MYO16: variants seen among roughly 807,000 people sequenced by gnomAD.
MYO16 encodes unconventional myosin-XVI.
A neutral mutation model predicts 205.3 loss-of-function variants in MYO16; 94 were observed. The observed-to-expected ratio is 0.46, with a 90% CI of 0.39 to 0.54. The LOEUF (loss-of-function observed/expected upper bound fraction) is 0.54, where lower values mean the gene tolerates loss of function less well. Ranked by LOEUF, MYO16 falls within the 20% of genes least tolerant of loss-of-function variation. The pLI is 0.00. For missense variants in MYO16, 2,315 were observed against 2,387.5 expected, an observed-to-expected ratio of 0.97 and a Z score of 0.63; for synonymous variants, 988 against 954.0, an observed-to-expected ratio of 1.04 and a Z score of -0.66.
At chr13:108,859,027 CA>C (rs1878329150) in intron 11 of MYO16, among the ~76,000 whole-genome samples, 1 of 152,146 alleles carries the variant, frequency 6.6e-6, no homozygotes, top group South Asian at 2.1e-4. Flanking sequence ...TTCTGGAGGC[CA>C]GCCCCCAGTC....
intron 16 of MYO16, among the ~76,000 whole-genome samples, chr13:108,938,864 A>C (rs112665086): frequency 6.6e-6 from 1 of 152,052 alleles, no homozygotes; most frequent in Non-Finnish European, 1.5e-5. Flanking sequence ...CTGCACCACA[A>C]TCTCAGGGGA....
intron 1 of MYO16, among the ~76,000 whole-genome samples, chr13:108,633,178 T>C (rs1295667619): frequency 6.6e-6 from 1 of 152,176 alleles, no homozygotes; most frequent in Non-Finnish European, 1.5e-5. Context: ...ACTTTATATG[T>C]TGTATTAGTC....
chr13:108,994,083 A>G (rs1359812354), intron 21 of MYO16, among the ~76,000 whole-genome samples: 2 of 152,118 alleles, frequency 1.3e-5, no homozygotes, highest in East Asian at 1.9e-4. Context: ...TTACTGAAAC[A>G]TATTTATTTT....
rs9559438 is a variant in MYO16 at position 108,887,870 on chromosome 13, G to A, written c.1554-502G>A. On this transcript the variant is annotated intron_variant, in intron 13 of 34. Coordinates refer to ENST00000457511, the MANE Select transcript of MYO16 (RefSeq NM_001198950.3). The stretch of plus-strand genomic sequence containing the variant: ...ACAGCTTTTCCACAGAAGAGGTAAC[G>A]TCTCTCCTGTAAGGCCCATGAAGCA... 7.0e-3 allele frequency among the ~76,000 whole-genome samples: 1,064 copies of A among 152,042 alleles called. 23 individuals are homozygous for A. The East Asian group carries it at 0.081, about 12-fold the overall frequency.
chr13:108,807,732 C>T (rs542495084), intron 7 of MYO16, among the ~76,000 whole-genome samples: 50 of 152,260 alleles, frequency 3.3e-4, no homozygotes, highest in African/African-American at 1.1e-3. Flanking sequence ...TTTTGAGTTG[C>T]TTGCTCTTCC....
At chr13:109,025,367 G>A (rs1886331281) in intron 23 of MYO16, among the ~76,000 whole-genome samples, 1 of 152,132 alleles carries the variant, frequency 6.6e-6, no homozygotes, top group South Asian at 2.1e-4. Flanking sequence ...TTAAATTATA[G>A]CTGAAGATCT....
intron 29 of MYO16, among the ~76,000 whole-genome samples, chr13:109,122,663 G>T (rs974124542): frequency 6.8e-6 from 1 of 146,692 alleles, no homozygotes; most frequent in Non-Finnish European, 1.5e-5. Context: ...CTCCAGCCTG[G>T]CAACAAGAGT....
At chr13:108,779,059 G>C (rs555430967) in intron 4 of MYO16, among the ~76,000 whole-genome samples, 2 of 152,306 alleles carry the variant, frequency 1.3e-5, no homozygotes, top group East Asian at 3.9e-4. Flanking sequence ...TAACTCCCAA[G>C]ACACTTGCTT....
At chr13:108,850,129 G>T (rs1320076200) in intron 10 of MYO16, among the ~76,000 whole-genome samples, 1 of 149,846 alleles carries the variant, frequency 6.7e-6, no homozygotes, top group Non-Finnish European at 1.5e-5. Flanking sequence ...CTCTTTTTGT[G>T]TGTGTAACTT....
intron 4 of MYO16, among the ~76,000 whole-genome samples, chr13:108,755,671 A>G (rs1287124798): frequency 1.3e-5 from 2 of 152,288 alleles, no homozygotes. Context: ...AAATGAAGTA[A>G]TTTTAAAGAA....
At chr13:109,010,333 T>C (rs577804142) in intron 22 of MYO16, among the ~76,000 whole-genome samples, 1 of 152,316 alleles carries the variant, frequency 6.6e-6, no homozygotes, top group Admixed American at 6.5e-5. Context: ...GTCTAAAAGG[T>C]TAATTGCCCC....
Position 108,720,707 on chromosome 13 carries a change from G to A in MYO16, c.364-6733G>A, listed in dbSNP as rs780165702. On this transcript the variant is annotated intron_variant, in intron 3 of 34. Transcript: ENST00000457511. ...TAGTCTCCTCTGCCATGACTGCTCC[G>A]TAACCACTACAGAGAAGAGAAGGGG... is the stretch of plus-strand genomic sequence containing the variant. 3.9e-5 allele frequency among the ~76,000 whole-genome samples: 6 copies of A among 152,220 alleles called. No individual in the cohort carries two copies. In the East Asian group the frequency reaches 5.8e-4, roughly 15 times the overall value.
At chr13:108,998,756 C>G (rs1410035961) in intron 21 of MYO16, among the ~76,000 whole-genome samples, 1 of 152,206 alleles carries the variant, frequency 6.6e-6, no homozygotes, top group African/African-American at 2.4e-5. Flanking sequence ...GAGGGTGACA[C>G]TGGCTGTTGG....
intron 10 of MYO16, among the ~76,000 whole-genome samples, chr13:108,853,171 T>C (rs1228629995): frequency 1.3e-5 from 2 of 152,218 alleles, no homozygotes; most frequent in Non-Finnish European, 2.9e-5. Context: ...GAGCTGTCAG[T>C]CTAGGTAGCG....
chr13:108,743,708 T>C (rs1438165400), intron 4 of MYO16, among the ~76,000 whole-genome samples: 1 of 152,236 alleles, frequency 6.6e-6, no homozygotes, highest in Non-Finnish European at 1.5e-5. Flanking sequence ...CTGTAAGTAA[T>C]GGACAAAGTG....
chr13:108,676,535 T>C (rs1161317388), intron 2 of MYO16, among the ~76,000 whole-genome samples: 1 of 151,888 alleles, frequency 6.6e-6, no homozygotes, highest in East Asian at 1.9e-4. Flanking sequence ...GGAAATGGAG[T>C]GTTTGCAGAT....
At chr13:108,889,825 A>G in intron 14 of MYO16, among the ~76,000 whole-genome samples, 1 of 152,212 alleles carries the variant, frequency 6.6e-6, no homozygotes, top group East Asian at 1.9e-4. Context: ...CATTCTTAAG[A>G]TGCAGACCTG....
chr13:108,594,983 G>A, upstream of MYO16, among the ~76,000 whole-genome samples: 1 of 152,158 alleles, frequency 6.6e-6, no homozygotes, highest in East Asian at 1.9e-4. Flanking sequence ...TTGCTGAAGG[G>A]TTAAGACACA....
upstream of MYO16, among the ~76,000 whole-genome samples, chr13:108,595,621 C>T (rs866514816): frequency 6.6e-5 from 10 of 152,074 alleles, no homozygotes; most frequent in South Asian, 2.1e-4. Context: ...CAGTCAGCCC[C>T]CTCTCCACCT....
Sources: gnomAD v4.1 joint callset for allele counts (sites outside exome capture counted in the v4.1 genomes callset) on GRCh38, gnomAD v4.1.1 for gene constraint, MANE v1.5 for transcripts, NCBI Gene and HGNC (gene_info 2026-07-23, HGNC 2026-07-21) for gene names.